The following DHRS4 variants were observed in gnomAD, a reference collection of about 807,000 sequenced individuals.
The protein encoded by DHRS4 is dehydrogenase/reductase SDR family member 4.
In DHRS4, 20 loss-of-function variants were observed where a neutral mutation model predicts 28.4. The ratio of observed to expected loss-of-function variants is 0.71; its 90% CI spans 0.50 to 1.02. The LOEUF (loss-of-function observed/expected upper bound fraction) is 1.02. Ranked by LOEUF, DHRS4 falls within the 50% of genes least tolerant of loss-of-function variation. DHRS4 has a pLI of 0.00. For synonymous variants in DHRS4, 144 were observed against 146.4 expected (o/e 0.98, Z 0.12); for missense variants, 378 against 367.2 (o/e 1.03, Z -0.24).
intron 2 of DHRS4, among the ~76,000 whole-genome samples, chr14:23,959,583 G>T (rs1280037504): frequency 6.6e-6 from 1 of 152,062 alleles, no homozygotes; most frequent in Non-Finnish European, 1.5e-5. Flanking sequence ...AACCTTAAAT[G>T]GTTAGCGGCA....
At position 23,953,829 on chromosome 14, in the gene DHRS4, G is replaced by C. The variant is rs147026587; in HGVS notation, c.41G>C (p.Trp14Ser). 1.1e-5 allele frequency: 17 copies of C among 1,614,008 alleles called. No individual in the cohort carries two copies. The highest frequency in any genetic ancestry group is 1.4e-5 in the Non-Finnish European group (17 of 1,179,990). ...AGLLGLCARA[W>S]NSVRMASSGM... ...CTGCTAGGCCTCTGTGCCCGGGCTT[G>C]GAATTCGGTGCGGATGGCCAGCTCC... The change falls in exon 1 of 8, where the codon TGG becomes TCG. Residue 14 changes from tryptophan to serine, a missense_variant. Physicochemically the swap from Trp to Ser is radical, Grantham distance 177. Transcript: ENST00000313250.
intron 2 of DHRS4, among the ~76,000 whole-genome samples, chr14:23,958,463 T>C (rs889932520): frequency 6.6e-6 from 1 of 152,184 alleles, no homozygotes; most frequent in African/African-American, 2.4e-5. Context: ...AAAACCCTTG[T>C]TGGCAGATTC....
At chr14:23,964,250 A>C (rs1463643603) in intron 3 of DHRS4, among the ~76,000 whole-genome samples, 6 of 134,764 alleles carry the variant, frequency 4.5e-5, no homozygotes, top group Admixed American at 1.5e-4. Flanking sequence ...AAAAAAAAAA[A>C]AAAACACAAT....
rs1452432413 is a variant in DHRS4 at position 23,968,836 on chromosome 14, G to C, written c.802G>C (p.Val268Leu). The C allele has an allele frequency of 6.2e-7, 1 of 1,610,548 alleles. No individual in the cohort carries two copies. The highest frequency in any genetic ancestry group is 2.2e-5 in the East Asian group (1 of 44,768). Residue 268 changes from valine to leucine, a missense_variant, in exon 8 of 8, where the codon GTG (valine) becomes CTG (leucine). Physicochemically the swap from Val to Leu is conservative, Grantham distance 32. Coordinates refer to ENST00000313250, the MANE Select transcript of DHRS4 (RefSeq NM_021004.4). ...TGCCAGCTACATCACTGGGGAAACA[G>C]TGGTGGTGGGTGGAGGAACCCCGTC... ...EDASYITGET[V>L]VVGGGTPSRL
At chr14:23,963,502 A>C (rs1446277885) in intron 3 of DHRS4, among the ~76,000 whole-genome samples, 1 of 147,480 alleles carries the variant, frequency 6.8e-6, no homozygotes, top group Non-Finnish European at 1.5e-5. Context: ...CTAGCTTCCA[A>C]CTTTTCCGGA....
intron 2 of DHRS4, among the ~76,000 whole-genome samples, 160 bp from the exon 3 acceptor site, chr14:23,959,742 C>T (rs35952435): frequency 0.19 from 28,851 of 148,662 alleles, 2,947 homozygotes; most frequent in African/African-American, 0.27. Context: ...TTCTCTCAAA[C>T]TCCTCAGCTC....
At position 23,965,950 on chromosome 14, in the gene DHRS4, C is replaced by T. The variant is rs143261892; in HGVS notation, c.498C>T (p.Ile166=). Residue 166 remains isoleucine, a synonymous_variant, in exon 5 of 8, where the codon ATC becomes ATT. Coordinates refer to ENST00000313250, the MANE Select transcript of DHRS4 (RefSeq NM_021004.4). ...MEKRGGGSVV[I]VSSIAAFSPS... ...TTTCCAGAGGCGGCTCAGTGGTGAT[C>T]GTGTCTTCCATAGCAGCCTTCAGTC... The T allele has an allele frequency of 1.8e-4, 294 of 1,609,672 alleles. 3 individuals are homozygous for T. The African/African-American group carries it at 3.6e-3, about 20-fold the overall frequency.
At chr14:23,958,087 A>G (rs1274885637) in intron 2 of DHRS4, among the ~76,000 whole-genome samples, 1 of 152,046 alleles carries the variant, frequency 6.6e-6, no homozygotes, top group East Asian at 2.0e-4. Flanking sequence ...TCCATTGGTG[A>G]GACTTACACA....
chr14:23,957,508 G>A lies in DHRS4; in HGVS notation c.306+2296G>A, dbSNP rs370733434. ...AACACAGAACAAACAGCTCCTAACCGCTTTGGTGTAGTGATCACACAATTT... is the reference window on the plus strand; with the variant it reads ...AACACAGAACAAACAGCTCCTAACCACTTTGGTGTAGTGATCACACAATTT... On this transcript the variant is annotated intron_variant, in intron 2 of 7. Transcript: ENST00000313250. 3.6e-4 allele frequency among the ~76,000 whole-genome samples: 55 copies of A among 151,164 alleles called. 1 individual carries two copies. The South Asian group carries it at 5.7e-3, about 16-fold the overall frequency.
At chr14:23,956,589 C>T (rs1566469288) in intron 2 of DHRS4, among the ~76,000 whole-genome samples, 3 of 149,730 alleles carry the variant, frequency 2.0e-5, no homozygotes, top group Admixed American at 1.3e-4. Flanking sequence ...AGGCCATGGG[C>T]CTCCATATCC....
rs1233907133 is a variant in DHRS4, at chr14:23,966,255, A to T, written c.532-28A>T. 6.3e-6 allele frequency: 10 copies of T among 1,593,170 alleles called. No homozygotes were observed. The South Asian group carries it at 1.0e-4, about 16-fold the overall frequency. On this transcript the variant is annotated intron_variant, in intron 5 of 7. Transcript: ENST00000313250. ...AACCAAGAATGACCTGGAAACTATG[A>T]GTCTAACACATTCTCTTCTTTCTCC...
intron 2 of DHRS4, among the ~76,000 whole-genome samples, chr14:23,957,071 A>T (rs2033206497): frequency 6.6e-6 from 1 of 152,146 alleles, no homozygotes; most frequent in Admixed American, 6.5e-5. Flanking sequence ...TACAGAGGAG[A>T]CACCGAATCC....
At position 23,953,826 on chromosome 14, in the gene DHRS4, C is replaced by A. The variant is rs1277706674; in HGVS notation, c.38C>A (p.Ala13Asp). The A allele has an allele frequency of 1.2e-6, 2 of 1,614,126 alleles. No homozygotes were observed. Among genetic ancestry groups the A allele is most frequent in the Admixed American group, 3.3e-5 (2 of 60,028 alleles). The change falls in exon 1 of 8, where the codon GCT (alanine) becomes GAT (aspartate). Residue 13 changes from alanine (A) to aspartate (D), a missense_variant. By Grantham distance (126) the Ala-to-Asp change is moderately radical. Coordinates refer to ENST00000313250, the MANE Select transcript of DHRS4 (RefSeq NM_021004.4). ...KAGLLGLCARAWNSVRMASSG... is the reference protein window; with the variant it reads ...KAGLLGLCARDWNSVRMASSG... The stretch of plus-strand genomic sequence containing the variant: ...GGGCTGCTAGGCCTCTGTGCCCGGG[C>A]TTGGAATTCGGTGCGGATGGCCAGC...
rs1271517327 is a variant in DHRS4, at chr14:23,964,239, A to AC, written c.409-1523_409-1522insC. 1.8e-4 allele frequency among the ~76,000 whole-genome samples: 26 copies of AC among 143,106 alleles called. 1 individual carries two copies. Among genetic ancestry groups the AC allele is most frequent in the African/African-American group, 5.7e-4 (21 of 37,148 alleles). 93.9% of individuals were successfully genotyped at this position (143,106 alleles called of 152,430 possible). A position where few individuals can be genotyped will look rare whatever the true frequency, so the allele number is the denominator to read the frequency against. The stretch of plus-strand genomic sequence containing the variant: ...AATTTGTAAAAAAAAAAAAAAAAAA[A>AC]AAAAAAAAAAAAAAACACAATATCT... On this transcript the variant is annotated intron_variant, in intron 3 of 7. Transcript: ENST00000313250.
rs1305556975 is a variant in DHRS4 at position 23,955,167 on chromosome 14, G to A, written c.261G>A (p.Val87=). ...AGGGGCTGAGCGTGACGGGCACCGTGTGCCATGTGGGGAAGGCGGAGGACC... is the reference window on the plus strand; with the variant it reads ...AGGGGCTGAGCGTGACGGGCACCGTATGCCATGTGGGGAAGGCGGAGGACC... The part of the protein sequence containing the change: ...QGEGLSVTGT[V]CHVGKAEDRE... Residue 87 remains valine (V), a synonymous_variant, in exon 2 of 8, where the codon GTG becomes GTA. Coordinates refer to ENST00000313250, the MANE Select transcript of DHRS4 (RefSeq NM_021004.4). 2.5e-6 allele frequency: 4 copies of A among 1,613,716 alleles called. No homozygotes were observed. In the African/African-American group the frequency reaches 4.0e-5, roughly 16 times the overall value.
At position 23,963,492 on chromosome 14, in the gene DHRS4, C is replaced by G. The variant is rs939978286; in HGVS notation, c.409-2270C>G. Among the ~76,000 whole-genome samples the G allele has an allele frequency of 7.5e-5, 11 of 147,350 alleles. 1 individual carries two copies. The highest frequency in any genetic ancestry group is 1.5e-5 in the Non-Finnish European group (1 of 67,252). ...CTTAAACCTCATGAACCAACCACTG[C>G]TAGCTTCCAACTTTTCCGGAGCTTC... is the stretch of plus-strand genomic sequence containing the variant. On this transcript the variant is annotated intron_variant, in intron 3 of 7. Transcript: ENST00000313250.
At chr14:23,968,525 T>C (rs1566479809) in intron 7 of DHRS4, among the ~76,000 whole-genome samples, 1 of 151,212 alleles carries the variant, frequency 6.6e-6, no homozygotes, top group Non-Finnish European at 1.5e-5. Flanking sequence ...GGTGTGTTTC[T>C]ATAGTATTTG....
chr14:23,965,325 G>A (rs2033577374), intron 3 of DHRS4, among the ~76,000 whole-genome samples: 1 of 117,194 alleles, frequency 8.5e-6, no homozygotes, highest in South Asian at 2.9e-4. Flanking sequence ...CCAGAGAAGT[G>A]CTAGAACAAC....
chr14:23,957,588 C>A (rs13379296), intron 2 of DHRS4, among the ~76,000 whole-genome samples: 33,740 of 149,792 alleles, frequency 0.23, 9,312 homozygotes, highest in African/African-American at 0.66. Context: ...ACAGGGCCTC[C>A]TTCTGTTGCC....
Sources: gnomAD v4.1 joint callset for allele counts (sites outside exome capture counted in the v4.1 genomes callset) on GRCh38, gnomAD v4.1.1 for gene constraint, MANE v1.5 for transcripts, NCBI Gene and HGNC (gene_info 2026-07-23, HGNC 2026-07-21) for gene names.